The following FGF14 variants were observed in gnomAD, a reference collection of about 807,000 sequenced individuals.
FGF14 encodes the protein fibroblast growth factor homologous factor 4.
FGF14 carries 5 observed loss-of-function variants against 25.5 expected under a neutral mutation model. The ratio of observed to expected loss-of-function variants is 0.20; its 90% CI spans 0.10 to 0.41. The LOEUF is 0.41. Among genes scored for constraint, FGF14 ranks in the 10% least tolerant of loss-of-function variants. The pLI is 1.00. For missense variants in FGF14, 222 were observed against 320.1 expected (o/e 0.69, Z 2.34); for synonymous variants, 138 against 118.3 (o/e 1.17, Z -1.08).
chr13:101,892,031 T>C (rs1003797293), intron 1 of FGF14, among the ~76,000 whole-genome samples: 5 of 152,168 alleles, frequency 3.3e-5, no homozygotes, highest in South Asian at 4.1e-4. Flanking sequence ...AGAAAAGCTA[T>C]CCAATTACTT....
chr13:101,843,245 A>C (rs2140325546), intron 3 of FGF14, among the ~76,000 whole-genome samples: 1 of 152,184 alleles, frequency 6.6e-6, no homozygotes, highest in Admixed American at 6.5e-5. Context: ...GCATTAAACC[A>C]ATCAACCCCT....
intron 1 of FGF14, among the ~76,000 whole-genome samples, chr13:102,289,888 T>C (rs2054293162): frequency 6.6e-6 from 1 of 152,138 alleles, no homozygotes; most frequent in Non-Finnish European, 1.5e-5. Context: ...TCTCTCTCTC[T>C]CTTTCCCTCC....
At chr13:102,289,655 C>T (rs1030549164) in intron 1 of FGF14, among the ~76,000 whole-genome samples, 3 of 152,168 alleles carry the variant, frequency 2.0e-5, no homozygotes, top group African/African-American at 7.2e-5. Context: ...GTAGGTTCAG[C>T]TTGCAGATCG....
chr13:101,818,838 C>A (rs1430145061), intron 3 of FGF14, among the ~76,000 whole-genome samples: 1 of 152,102 alleles, frequency 6.6e-6, no homozygotes, highest in Non-Finnish European at 1.5e-5. Flanking sequence ...GCTAAGCCCA[C>A]CTAAAATGAT....
chr13:101,941,397 C>G (rs1476245480), intron 1 of FGF14, among the ~76,000 whole-genome samples: 1 of 152,194 alleles, frequency 6.6e-6, no homozygotes, highest in Non-Finnish European at 1.5e-5. Context: ...GTTATAATAA[C>G]ACGATAAGAC....
At chr13:102,124,063 T>G (rs1450293958) in intron 1 of FGF14, among the ~76,000 whole-genome samples, 1 of 116,036 alleles carries the variant, frequency 8.6e-6, no homozygotes, top group Non-Finnish European at 2.0e-5. Context: ...AAAGAGAAAG[T>G]GACATGAAAA....
intron 1 of FGF14, among the ~76,000 whole-genome samples, chr13:102,024,793 CT>C (rs2040841742): frequency 6.6e-6 from 1 of 151,766 alleles, no homozygotes; most frequent in Admixed American, 6.6e-5. Flanking sequence ...TAACTTCAAT[CT>C]TTTTCATGTG....
chr13:102,368,347 A>C (rs1158813431), intron 1 of FGF14, among the ~76,000 whole-genome samples: 1 of 152,216 alleles, frequency 6.6e-6, no homozygotes. Flanking sequence ...TTAGCAAAAA[A>C]ATCGAAATAA....
intron 1 of FGF14, chr13:102,300,358 G>C (rs545576715): frequency 6.6e-6 from 1 of 151,004 alleles, no homozygotes; most frequent in African/African-American, 2.5e-5. Flanking sequence ...TCTATGCCTC[G>C]AGAATCTCAC....
At chr13:102,199,615 C>T (rs9582561) in intron 1 of FGF14, among the ~76,000 whole-genome samples, 17,216 of 152,118 alleles carry the variant, frequency 0.11, 1,366 homozygotes, top group African/African-American at 0.22. Context: ...CATATTTTCC[C>T]TTAGGCATTT....
intron 1 of FGF14, among the ~76,000 whole-genome samples, chr13:102,229,402 AGAT>A (rs1321799411): frequency 6.6e-6 from 1 of 152,224 alleles, no homozygotes; most frequent in Non-Finnish European, 1.5e-5. Context: ...ACCGTTTCAC[AGAT>A]GATGTGTGGC....
chr13:102,360,233 G>A (rs993737125), intron 1 of FGF14, among the ~76,000 whole-genome samples: 16 of 152,086 alleles, frequency 1.1e-4, no homozygotes, highest in African/African-American at 1.9e-4. Flanking sequence ...CATCCCTTTC[G>A]TCAGCTTGTG....
chr13:101,841,825 ACAAATG>A (rs1464107523), intron 3 of FGF14, among the ~76,000 whole-genome samples: 2 of 151,882 alleles, frequency 1.3e-5, no homozygotes, highest in Non-Finnish European at 2.9e-5. Context: ...TCCCTGAATT[ACAAATG>A]CAAGACTTTC....
chr13:102,033,218 C>T (rs374255729), intron 1 of FGF14, among the ~76,000 whole-genome samples: 167 of 152,102 alleles, frequency 1.1e-3, no homozygotes, highest in African/African-American at 3.9e-3. Flanking sequence ...ATTTTGAATC[C>T]CATCTTACTG....
chr13:101,895,188 T>G (rs2030449998), intron 1 of FGF14, among the ~76,000 whole-genome samples: 1 of 152,118 alleles, frequency 6.6e-6, no homozygotes, highest in African/African-American at 2.4e-5. Context: ...GCTTCAGAGA[T>G]CTTACCTAAG....
rs771562674 is a variant in FGF14 at position 102,057,398 on chromosome 13, G to A, written c.209-182102C>T. On this transcript the variant is annotated intron_variant, in intron 1 of 4. Coordinates refer to the FGF14 transcript ENST00000376131. ...CTGATTGATAACTTTAGCTCTTTACGTGTATGGAATATGGTCTCCATTTGC... is the reference window on the plus strand; with the variant it reads ...CTGATTGATAACTTTAGCTCTTTACATGTATGGAATATGGTCTCCATTTGC... Among the ~76,000 whole-genome samples the A allele has an allele frequency of 7.9e-5, 12 of 152,112 alleles. No individual in the cohort carries two copies. In the East Asian group the frequency reaches 1.2e-3, roughly 15 times the overall value.
intron 1 of FGF14, among the ~76,000 whole-genome samples, chr13:102,390,033 C>T (rs2058396413): frequency 6.6e-6 from 1 of 152,154 alleles, no homozygotes; most frequent in Non-Finnish European, 1.5e-5. Context: ...GAATTCTCCA[C>T]GTCTAACATG....
intron 3 of FGF14, among the ~76,000 whole-genome samples, chr13:101,754,059 C>T (rs1223345925): frequency 6.6e-6 from 1 of 152,154 alleles, no homozygotes; most frequent in Non-Finnish European, 1.5e-5. Flanking sequence ...CATTTCTTTG[C>T]CTTTTCGTGC....
chr13:102,282,826 C>T (rs1196397823), intron 1 of FGF14, among the ~76,000 whole-genome samples: 1 of 148,790 alleles, frequency 6.7e-6, no homozygotes. Flanking sequence ...CATAGCTATC[C>T]AATAAAAGTT....
Sources: gnomAD v4.1 joint callset for allele counts (sites outside exome capture counted in the v4.1 genomes callset) on GRCh38, gnomAD v4.1.1 for gene constraint, MANE v1.5 for transcripts, NCBI Gene and HGNC (gene_info 2026-07-23, HGNC 2026-07-21) for gene names.